RAB31: variants seen among roughly 807,000 people sequenced by gnomAD.
RAB31 encodes RAB31, member RAS oncogene family, also known as ras-related protein Rab-31.
A neutral mutation model predicts 25.6 loss-of-function variants in RAB31; 21 were observed. The ratio of observed to expected loss-of-function variants is 0.82; its 90% CI spans 0.58 to 1.18. The LOEUF (loss-of-function observed/expected upper bound fraction) is 1.18, where lower values mean the gene tolerates loss of function less well. Ranked by LOEUF, RAB31 falls within the 50% of genes most tolerant of loss-of-function variation. RAB31 has a pLI of 0.00. For synonymous variants in RAB31, 87 were observed against 84.0 expected (o/e 1.04, Z -0.20); for missense variants, 196 against 250.1 (o/e 0.78, Z 1.46).
At chr18:9,742,794 G>A (rs568321144) in intron 1 of RAB31, among the ~76,000 whole-genome samples, 1 of 152,286 alleles carries the variant, frequency 6.6e-6, no homozygotes, top group African/African-American at 2.4e-5. Context: ...CCTGTGCAGA[G>A]TGCTTTTTCC....
At position 9,759,247 on chromosome 18, in the gene RAB31, T is replaced by C. The variant is rs959902778; in HGVS notation, c.40-16031T>C. Reference sequence around the variant, plus strand: ...CTCTGTCACTAAGGCTTGAGTGTAGTGCAGCCTCAACCTCCTGGGCTCAAG... The same window carrying C: ...CTCTGTCACTAAGGCTTGAGTGTAGCGCAGCCTCAACCTCCTGGGCTCAAG... On this transcript the variant is annotated intron_variant, in intron 1 of 6. Transcript: ENST00000578921. Among the ~76,000 whole-genome samples, 14 of 152,236 alleles carry C rather than the reference T, an allele frequency of 9.2e-5. No individual in the cohort carries two copies. In the South Asian group the frequency reaches 2.1e-3, roughly 23 times the overall value.
intron 5 of RAB31, among the ~76,000 whole-genome samples, chr18:9,826,991 G>A (rs746658751): frequency 6.6e-6 from 1 of 152,076 alleles, no homozygotes; most frequent in African/African-American, 2.4e-5. Context: ...GTCATTCCTT[G>A]GGAGAAATTA....
chr18:9,752,828 A>G (rs1482409824), intron 1 of RAB31, among the ~76,000 whole-genome samples: 3 of 152,212 alleles, frequency 2.0e-5, no homozygotes, highest in Non-Finnish European at 4.4e-5. Context: ...CTTTTACTTT[A>G]TGGAATGTCT....
chr18:9,850,828 C>T (rs556972076), intron 6 of RAB31, among the ~76,000 whole-genome samples: 89 of 152,060 alleles, frequency 5.9e-4, no homozygotes, highest in African/African-American at 1.8e-3. Context: ...ACTGTGCCAC[C>T]GCCCTGCAGC....
chr18:9,719,910 C>T (rs2068065923), intron 1 of RAB31, among the ~76,000 whole-genome samples: 1 of 152,116 alleles, frequency 6.6e-6, no homozygotes, highest in African/African-American at 2.4e-5. Flanking sequence ...AGCAGGCACT[C>T]AGCAAGCCGC....
At chr18:9,714,976 C>T (rs897797831) in intron 1 of RAB31, among the ~76,000 whole-genome samples, 1 of 152,170 alleles carries the variant, frequency 6.6e-6, no homozygotes, top group African/African-American at 2.4e-5. Context: ...CCAGGTCTGT[C>T]TTGGGTACCT....
intron 2 of RAB31, among the ~76,000 whole-genome samples, chr18:9,790,077 C>G (rs2068452683): frequency 6.6e-6 from 1 of 152,194 alleles, no homozygotes; most frequent in Non-Finnish European, 1.5e-5. Flanking sequence ...GAACCCCTGA[C>G]TCTTTACCCC....
At chr18:9,794,381 G>A (rs1432681729) in intron 3 of RAB31, among the ~76,000 whole-genome samples, 1 of 152,088 alleles carries the variant, frequency 6.6e-6, no homozygotes, top group African/African-American at 2.4e-5. Context: ...TAAAAACACT[G>A]CTGAAAGAAA....
chr18:9,852,325 C>G (rs1255351888), intron 6 of RAB31, among the ~76,000 whole-genome samples: 1 of 152,210 alleles, frequency 6.6e-6, no homozygotes, highest in Non-Finnish European at 1.5e-5. Context: ...ATATTAATTA[C>G]TATCATCAAA....
chr18:9,770,200 T>C (rs1237975911), intron 1 of RAB31, among the ~76,000 whole-genome samples: 2 of 152,232 alleles, frequency 1.3e-5, no homozygotes, highest in African/African-American at 4.8e-5. Context: ...GATGCTGGCC[T>C]CATAAAATGA....
chr18:9,810,818 A>G (rs1286876320), intron 3 of RAB31, among the ~76,000 whole-genome samples: 2 of 152,152 alleles, frequency 1.3e-5, no homozygotes, highest in East Asian at 3.9e-4. Flanking sequence ...ATTGACTGCT[A>G]CTTTGTGCGT....
At chr18:9,841,768 A>C (rs1359538271) in intron 5 of RAB31, among the ~76,000 whole-genome samples, 2 of 152,114 alleles carry the variant, frequency 1.3e-5, no homozygotes, top group African/African-American at 4.8e-5. Context: ...AAACAGAACG[A>C]TGGAATATCA....
intron 1 of RAB31, chr18:9,735,281 G>A (rs118151063): frequency 1.8e-5 from 3 of 162,966 alleles, no homozygotes; most frequent in South Asian, 1.6e-4. Context: ...GCCTCCCAAA[G>A]TGTAGGGATT....
intron 2 of RAB31, among the ~76,000 whole-genome samples, chr18:9,791,513 G>T (rs4798855): frequency 0.47 from 70,530 of 149,184 alleles, 17,844 homozygotes; most frequent in East Asian, 0.81. Flanking sequence ...TTCTCCTGCC[G>T]CAGCCTCCCA....
At chr18:9,738,447 C>T (rs1293198949) in intron 1 of RAB31, among the ~76,000 whole-genome samples, 1 of 152,104 alleles carries the variant, frequency 6.6e-6, no homozygotes, top group African/African-American at 2.4e-5. Context: ...AGTTGATCAC[C>T]AGTGGCCATT....
intron 1 of RAB31, among the ~76,000 whole-genome samples, chr18:9,763,190 C>A (rs528860709): frequency 6.6e-6 from 1 of 151,916 alleles, no homozygotes; most frequent in East Asian, 1.9e-4. Context: ...GTGTCCTGGC[C>A]GTAACATGTG....
intron 1 of RAB31, among the ~76,000 whole-genome samples, chr18:9,729,642 A>C (rs2068112426): frequency 6.6e-6 from 1 of 152,062 alleles, no homozygotes; most frequent in Non-Finnish European, 1.5e-5. Flanking sequence ...CTAGGGATTT[A>C]GTCTCCCCTC....
chr18:9,837,161 T>A (rs181244069), intron 5 of RAB31, among the ~76,000 whole-genome samples: 7 of 151,954 alleles, frequency 4.6e-5, no homozygotes, highest in Admixed American at 3.3e-4. Context: ...ATTCAGTATG[T>A]GAGGAACGGG....
chr18:9,742,447 A>G (rs2068184593), intron 1 of RAB31, among the ~76,000 whole-genome samples: 2 of 152,198 alleles, frequency 1.3e-5, no homozygotes, highest in Non-Finnish European at 2.9e-5. Context: ...AAGGGGCCTC[A>G]GTTCTCAGCG....
Sources: gnomAD v4.1 joint callset for allele counts (sites outside exome capture counted in the v4.1 genomes callset) on GRCh38, gnomAD v4.1.1 for gene constraint, MANE v1.5 for transcripts, NCBI Gene and HGNC (gene_info 2026-07-23, HGNC 2026-07-21) for gene names.